SRD5A2: variants seen among roughly 807,000 people sequenced by gnomAD.
SRD5A2 encodes the protein steroid 5 alpha-reductase 2.
A neutral mutation model predicts 27.4 loss-of-function variants in SRD5A2; 30 were observed. That is an observed-to-expected ratio of 1.10 (90% CI 0.82 to 1.49). The LOEUF (loss-of-function observed/expected upper bound fraction) is 1.49, where lower values mean the gene tolerates loss of function less well. Ranked by LOEUF, SRD5A2 falls within the 40% of genes most tolerant of loss-of-function variation. The pLI is 0.00. For missense variants in SRD5A2, 348 were observed against 323.4 expected, an observed-to-expected ratio of 1.08 and a Z score of -0.58; for synonymous variants, 141 against 133.6, an observed-to-expected ratio of 1.06 and a Z score of -0.38.
the SRD5A2 span, among the ~76,000 whole-genome samples, chr2:31,603,392 T>C: frequency 2.0e-5 from 3 of 151,582 alleles, no homozygotes; most frequent in African/African-American, 4.8e-5. Flanking sequence ...TATTAAGAAG[T>C]CAAAAAATAA....
the SRD5A2 span, among the ~76,000 whole-genome samples, chr2:31,593,488 A>C: frequency 1.3e-5 from 2 of 152,192 alleles, no homozygotes; most frequent in African/African-American, 4.8e-5. Context: ...TGACAAAAAC[A>C]AAGAGCAAGA....
chr2:31,652,520 T>C, the SRD5A2 span, among the ~76,000 whole-genome samples: 7 of 151,468 alleles, frequency 4.6e-5, no homozygotes, highest in Admixed American at 4.6e-4. Context: ...ATCAGAAAGA[T>C]GAGGAGGGAT....
chr2:31,571,283 A>G (rs1032558746), intron 1 of SRD5A2, among the ~76,000 whole-genome samples: 2 of 152,186 alleles, frequency 1.3e-5, no homozygotes, highest in African/African-American at 4.8e-5. Flanking sequence ...AGGACTCCCT[A>G]TTCAAAATGG....
At chr2:31,569,329 C>G (rs576190349) in intron 1 of SRD5A2, among the ~76,000 whole-genome samples, 1 of 152,356 alleles carries the variant, frequency 6.6e-6, no homozygotes, top group African/African-American at 2.4e-5. Flanking sequence ...AACTATCAAA[C>G]CATTTTCCAA....
chr2:31,535,023 ATTT>A (rs397775368), intron 1 of SRD5A2, among the ~76,000 whole-genome samples: 2 of 143,294 alleles, frequency 1.4e-5, no homozygotes, highest in Non-Finnish European at 3.1e-5. Context: ...GTGTGAGTCA[ATTT>A]TTTTTTTTTT....
the SRD5A2 span, among the ~76,000 whole-genome samples, chr2:31,641,102 G>GGTT: frequency 1.3e-5 from 2 of 152,158 alleles, no homozygotes; most frequent in African/African-American, 4.8e-5. Context: ...TTGAGCTTTA[G>GGTT]GTTGTTGTTG....
chr2:31,575,282 T>C lies in SRD5A2; in HGVS notation c.281+5338A>G, dbSNP rs183545751. ...CACCTCTCGTGAAATAAGAGAAGCA[T>C]TGGCAGGGGCTCATGAGAAGACTCA... is the stretch of plus-strand genomic sequence containing the variant. On this transcript the variant is annotated intron_variant, in intron 1 of 4. Transcript: ENST00000622030. 5.9e-5 allele frequency among the ~76,000 whole-genome samples: 9 copies of C among 152,324 alleles called. No homozygotes were observed. In the East Asian group the frequency reaches 1.3e-3, roughly 23 times the overall value.
intron 1 of SRD5A2, among the ~76,000 whole-genome samples, chr2:31,572,278 G>A (rs1031194173): frequency 1.3e-5 from 2 of 152,096 alleles, no homozygotes; most frequent in Admixed American, 1.3e-4. Context: ...GATACTAAGA[G>A]AACAACAGCA....
intron 1 of SRD5A2, among the ~76,000 whole-genome samples, chr2:31,553,433 A>G (rs553122461): frequency 2.0e-5 from 3 of 152,320 alleles, no homozygotes; most frequent in African/African-American, 7.2e-5. Flanking sequence ...AGCTGAAAGC[A>G]CCACAAATAG....
At chr2:31,609,780 A>T in the SRD5A2 span, among the ~76,000 whole-genome samples, 1 of 152,140 alleles carries the variant, frequency 6.6e-6, no homozygotes, top group South Asian at 2.1e-4. Flanking sequence ...TACCATCAGG[A>T]AAGTGAAAAG....
chr2:31,658,670 G>A, the SRD5A2 span, among the ~76,000 whole-genome samples: 2 of 151,826 alleles, frequency 1.3e-5, no homozygotes, highest in Non-Finnish European at 2.9e-5. Context: ...GTTGAACCAG[G>A]AAGAAACAAA....
At chr2:31,539,304 TC>T (rs1411898670) in intron 1 of SRD5A2, among the ~76,000 whole-genome samples, 1 of 151,974 alleles carries the variant, frequency 6.6e-6, no homozygotes, top group African/African-American at 2.4e-5. Context: ...CCATCACAGA[TC>T]AAAAAGGCCA....
chr2:31,624,896 G>T, the SRD5A2 span, among the ~76,000 whole-genome samples: 1 of 152,058 alleles, frequency 6.6e-6, no homozygotes, highest in Admixed American at 6.6e-5. Context: ...TGCTGGGTCA[G>T]TTGGTATTTC....
chr2:31,608,861 G>T, the SRD5A2 span, among the ~76,000 whole-genome samples: 1 of 151,964 alleles, frequency 6.6e-6, no homozygotes, highest in Non-Finnish European at 1.5e-5. Context: ...ACTAAATTAC[G>T]TTCTACCAAA....
the SRD5A2 span, among the ~76,000 whole-genome samples, chr2:31,590,955 A>C: frequency 7.2e-5 from 11 of 152,234 alleles, no homozygotes; most frequent in Admixed American, 1.3e-4. Context: ...TTAAAGACTT[A>C]AATGTTAGAC....
the SRD5A2 span, chr2:31,651,581 G>A: frequency 2.0e-4 from 32 of 161,438 alleles, no homozygotes; most frequent in Non-Finnish European, 4.3e-4. Context: ...CAAGATCTAG[G>A]ATGGATCAGC....
chr2:31,657,098 G>A, the SRD5A2 span, among the ~76,000 whole-genome samples: 13 of 152,282 alleles, frequency 8.5e-5, no homozygotes, highest in African/African-American at 3.1e-4. Flanking sequence ...TCCTAGCTAG[G>A]ATCCTGAAAC....
chr2:31,613,891 C>T, the SRD5A2 span, among the ~76,000 whole-genome samples: 8 of 152,104 alleles, frequency 5.3e-5, no homozygotes, highest in Admixed American at 5.2e-4. Context: ...GATCTCATGA[C>T]ACTTATTCAC....
At chr2:31,613,839 G>A in the SRD5A2 span, among the ~76,000 whole-genome samples, 87 of 152,256 alleles carry the variant, frequency 5.7e-4, no homozygotes, top group African/African-American at 2.1e-3. Flanking sequence ...TGGCAGGCAG[G>A]AGGGAGCATG....
Sources: allele counts gnomAD v4.1 joint callset (sites outside exome capture counted in the v4.1 genomes callset), GRCh38; gene constraint gnomAD v4.1.1; transcripts MANE v1.5; gene names NCBI Gene and HGNC (gene_info 2026-07-23, HGNC 2026-07-21).